Variants in FZD3 observed in about 807,000 individuals in gnomAD.
FZD3 encodes frizzled-3.
Under a neutral mutation model 60.7 loss-of-function variants are expected in FZD3, and 30 were observed. The ratio of observed to expected loss-of-function variants is 0.49; its 90% CI spans 0.37 to 0.67. The LOEUF (loss-of-function observed/expected upper bound fraction) is 0.67. FZD3 is among the 30% of genes least tolerant of loss of function. FZD3 has a pLI of 0.00. For synonymous variants in FZD3, 246 were observed against 275.2 expected, an observed-to-expected ratio of 0.89 and a Z score of 1.05; for missense variants, 605 against 838.7, an observed-to-expected ratio of 0.72 and a Z score of 3.44.
At chr8:28,533,536 C>A (rs1273088565) in intron 5 of FZD3, among the ~76,000 whole-genome samples, 1 of 152,156 alleles carries the variant, frequency 6.6e-6, no homozygotes, top group Non-Finnish European at 1.5e-5. Context: ...TGGTCATTCA[C>A]ACTCATTCTG....
At position 28,565,531 on chromosome 8, in the gene FZD3, C is replaced by CA. The variant is rs1413305351; in HGVS notation, c.*2524dup. On this transcript the variant is annotated 3_prime_UTR_variant, in exon 8 of 8. Coordinates refer to ENST00000240093, the MANE Select transcript of FZD3 (RefSeq NM_017412.4). ...CCATCTGCATTATATTATCAACTGC[C>CA]AAAATGTTAATTGGTTTTCTTTTAC... The CA allele has an allele frequency of 1.3e-5, 2 of 152,126 alleles. No individual in the cohort carries two copies. Among genetic ancestry groups the CA allele is most frequent in the Non-Finnish European group, 2.9e-5 (2 of 67,998 alleles). The allele number at this position is 152,126 out of a possible 1,614,324, so 9.4% of individuals were successfully genotyped here. A position where few individuals can be genotyped will look rare whatever the true frequency, so the allele number is the denominator to read the frequency against.
At chr8:28,544,925 T>C (rs967427709) in intron 5 of FZD3, among the ~76,000 whole-genome samples, 1 of 152,102 alleles carries the variant, frequency 6.6e-6, no homozygotes, top group African/African-American at 2.4e-5. Flanking sequence ...AACTGCAGAG[T>C]CCTGAGTTGA....
intron 5 of FZD3, among the ~76,000 whole-genome samples, chr8:28,546,591 TC>T (rs1805298339): frequency 6.6e-6 from 1 of 152,182 alleles, no homozygotes; most frequent in African/African-American, 2.4e-5. Flanking sequence ...TGAGGGTGTT[TC>T]CCAATGCCCC....
chr8:28,534,538 G>C lies in FZD3; in HGVS notation c.1404+6374G>C, dbSNP rs1804961363. 2.6e-5 allele frequency among the ~76,000 whole-genome samples: 4 copies of C among 152,076 alleles called. 1 individual carries two copies. The South Asian group carries it at 8.3e-4, about 32-fold the overall frequency. On this transcript the variant is annotated intron_variant, in intron 5 of 7. Coordinates refer to ENST00000240093, the MANE Select transcript of FZD3 (RefSeq NM_017412.4). Reference sequence around the variant, plus strand: ...ACTGCACTCCAGCCTAGGTGACAGAGCGAGACCCTATCTCAATAAAAATCA... The same window carrying C: ...ACTGCACTCCAGCCTAGGTGACAGACCGAGACCCTATCTCAATAAAAATCA...
intron 3 of FZD3, among the ~76,000 whole-genome samples, chr8:28,515,838 T>C (rs1804413184): frequency 6.6e-6 from 1 of 152,226 alleles, no homozygotes. Flanking sequence ...AAAGATTTTC[T>C]TCCGTTCTGT....
intron 5 of FZD3, among the ~76,000 whole-genome samples, chr8:28,537,485 T>C (rs1028768281): frequency 1.3e-5 from 2 of 152,202 alleles, no homozygotes; most frequent in African/African-American, 4.8e-5. Flanking sequence ...TAGACATTGC[T>C]GGCCATTAGT....
rs1462146828 is a variant in FZD3, at chr8:28,563,077, A to C, written c.*66A>C. The C allele has an allele frequency of 2.9e-6, 3 of 1,026,450 alleles. No homozygotes were observed. Among genetic ancestry groups the C allele is most frequent in the South Asian group, 1.3e-5 (1 of 77,308 alleles). 63.6% of individuals were successfully genotyped at this position (1,026,450 alleles called of 1,614,324 possible). A position where few individuals can be genotyped will look rare whatever the true frequency, so the allele number is the denominator to read the frequency against. ...GCAGATTTTATTCTTTGCCTTTTGC[A>C]TGACTGATAGCTGTAACTCACAGTT... On this transcript the variant is annotated 3_prime_UTR_variant, in exon 8 of 8. Transcript: ENST00000240093.
At chr8:28,518,407 T>G (rs563921694) in intron 3 of FZD3, among the ~76,000 whole-genome samples, 107 of 152,254 alleles carry the variant, frequency 7.0e-4, no homozygotes, top group African/African-American at 2.5e-3. Context: ...GAGGCTGCGT[T>G]GCAATGTTGG....
At chr8:28,513,113 T>C (rs1223135054) in intron 3 of FZD3, among the ~76,000 whole-genome samples, 1 of 152,120 alleles carries the variant, frequency 6.6e-6, no homozygotes, top group African/African-American at 2.4e-5. Context: ...TAAATACAAG[T>C]AGTAGATAAT....
chr8:28,498,918 T>TA (rs1359369670), intron 1 of FZD3, among the ~76,000 whole-genome samples: 2 of 152,354 alleles, frequency 1.3e-5, no homozygotes, highest in East Asian at 3.9e-4. Context: ...TTCAGTTGAT[T>TA]GGTTATCTGA....
intron 7 of FZD3, among the ~76,000 whole-genome samples, chr8:28,557,969 G>A (rs781640616): frequency 1.3e-5 from 2 of 152,212 alleles, no homozygotes; most frequent in Non-Finnish European, 2.9e-5. Context: ...CTTCGCAAAA[G>A]AGATGGCACT....
chr8:28,566,022 C>T lies in FZD3; in HGVS notation c.*3011C>T, dbSNP rs1007539959. The T allele has an allele frequency of 4.6e-5, 7 of 152,152 alleles. No homozygotes were observed. Among genetic ancestry groups the T allele is most frequent in the South Asian group, 2.1e-4 (1 of 4,820 alleles). The allele number at this position is 152,152 out of a possible 1,614,324, so 9.4% of individuals were successfully genotyped here. On this transcript the variant is annotated 3_prime_UTR_variant, in exon 8 of 8. Coordinates refer to ENST00000240093, the MANE Select transcript of FZD3 (RefSeq NM_017412.4). The stretch of plus-strand genomic sequence containing the variant: ...ACAAAAGATCTAAGATAATATTAAA[C>T]TCAAAACAGTTTGTTTCAAAGAACA...
Position 28,541,766 on chromosome 8 carries a change from C to T in FZD3, c.1405-9837C>T, listed in dbSNP as rs75879937. Among the ~76,000 whole-genome samples the T allele has an allele frequency of 5.0e-3, 754 of 152,300 alleles. 26 individuals carry two copies. In the East Asian group the frequency reaches 0.092, roughly 19 times the overall value. Reference sequence around the variant, plus strand: ...TTTTTCTCAAATCTGCTTCCTGCATCGCGTTCCCAGTTCTGCTCCATTCAG... The same window carrying T: ...TTTTTCTCAAATCTGCTTCCTGCATTGCGTTCCCAGTTCTGCTCCATTCAG... On this transcript the variant is annotated intron_variant, in intron 5 of 7. Transcript: ENST00000240093.
intron 3 of FZD3, among the ~76,000 whole-genome samples, chr8:28,517,346 G>A (rs1251410252): frequency 6.6e-6 from 1 of 152,040 alleles, no homozygotes; most frequent in Non-Finnish European, 1.5e-5. Flanking sequence ...TTTTTCCACT[G>A]ACTGCCCTTA....
chr8:28,570,164 T>C lies in FZD3; in HGVS notation c.*7153T>C, dbSNP rs767448608. ...TTTTTCTGGCTATACAGAAAATGTT[T>C]CTGGAAAAATTCCTTAATTGTCATC... On this transcript the variant is annotated 3_prime_UTR_variant, in exon 8 of 8. Transcript: ENST00000240093. The C allele has an allele frequency of 2.0e-5, 3 of 152,224 alleles. No homozygotes were observed. Among genetic ancestry groups the C allele is most frequent in the Non-Finnish European group, 4.4e-5 (3 of 68,036 alleles). 9.4% of individuals were successfully genotyped at this position (152,224 alleles called of 1,614,324 possible).
At chr8:28,548,858 A>G (rs1248427076) in intron 5 of FZD3, among the ~76,000 whole-genome samples, 2 of 152,324 alleles carry the variant, frequency 1.3e-5, no homozygotes, top group Non-Finnish European at 2.9e-5. Flanking sequence ...CTAACTAAGA[A>G]CATGTTTGAA....
chr8:28,495,831 G>A (rs906381971), intron 1 of FZD3, among the ~76,000 whole-genome samples: 1 of 152,110 alleles, frequency 6.6e-6, no homozygotes, highest in Non-Finnish European at 1.5e-5. Context: ...CTAAGATGCA[G>A]CCTTTCTTCT....
At chr8:28,531,711 A>C (rs572404392) in intron 5 of FZD3, among the ~76,000 whole-genome samples, 1 of 152,116 alleles carries the variant, frequency 6.6e-6, no homozygotes, top group East Asian at 1.9e-4. Context: ...GTGTTTTCGT[A>C]TGTTTATTGG....
intron 3 of FZD3, chr8:28,505,177 C>T (rs1056836817): frequency 6.5e-6 from 1 of 154,688 alleles, no homozygotes; most frequent in Non-Finnish European, 1.5e-5. Context: ...GACTCTCCAC[C>T]TCCATCCCTC....
Sources: allele counts gnomAD v4.1 joint callset (sites outside exome capture counted in the v4.1 genomes callset), GRCh38; gene constraint gnomAD v4.1.1; transcripts MANE v1.5; gene names NCBI Gene and HGNC (gene_info 2026-07-23, HGNC 2026-07-21).